The following PLCB1 variants were observed in gnomAD, a reference collection of about 807,000 sequenced individuals.
PLCB1 encodes 1-phosphatidylinositol 4,5-bisphosphate phosphodiesterase beta-1.
In PLCB1, 46 loss-of-function variants were observed where a neutral mutation model predicts 161.8. The observed-to-expected ratio is 0.28, with a 90% CI of 0.22 to 0.36. The LOEUF (loss-of-function observed/expected upper bound fraction) is 0.36. PLCB1 is among the 10% of genes least tolerant of loss of function. The pLI is 1.00. For missense variants in PLCB1, 1,016 were observed against 1,472.5 expected (o/e 0.69, Z 5.07); for synonymous variants, 517 against 503.7 (o/e 1.03, Z -0.35).
intron 27 of PLCB1, among the ~76,000 whole-genome samples, chr20:8,782,402 G>GT (rs1983284975): frequency 1.3e-5 from 2 of 152,094 alleles, no homozygotes; most frequent in African/African-American, 2.4e-5. Context: ...TTTTGTTTTT[G>GT]TTTTTTTAGA....
intron 12 of PLCB1, among the ~76,000 whole-genome samples, chr20:8,713,492 G>A (rs1403323510): frequency 6.6e-6 from 1 of 152,098 alleles, no homozygotes; most frequent in Non-Finnish European, 1.5e-5. Flanking sequence ...CCTCAGGCAG[G>A]TTCTAAACGT....
At chr20:8,248,179 T>C (rs1017078930) in intron 2 of PLCB1, among the ~76,000 whole-genome samples, 1 of 151,820 alleles carries the variant, frequency 6.6e-6, no homozygotes, top group Non-Finnish European at 1.5e-5. Flanking sequence ...CATGACCTCA[T>C]AGAGTACTCT....
At chr20:8,619,125 C>T (rs571428905) in intron 3 of PLCB1, among the ~76,000 whole-genome samples, 1 of 152,258 alleles carries the variant, frequency 6.6e-6, no homozygotes, top group Non-Finnish European at 1.5e-5. Flanking sequence ...TTAACTCCTA[C>T]AATCATTTAT....
At position 8,278,605 on chromosome 20, in the gene PLCB1, A is replaced by T. The variant is rs200696433; in HGVS notation, c.178-92777A>T. On this transcript the variant is annotated intron_variant, in intron 2 of 31. Transcript: ENST00000338037. Reference sequence around the variant, plus strand: ...CAATAAATGTATAAAAGTGTTCAACATCATGAATAATAATGCAAATTAATA... The same window carrying T: ...CAATAAATGTATAAAAGTGTTCAACTTCATGAATAATAATGCAAATTAATA... Among the ~76,000 whole-genome samples, 10 of 152,118 alleles carry T rather than the reference A, an allele frequency of 6.6e-5. No homozygotes were observed. The East Asian group carries it at 1.9e-3, about 29-fold the overall frequency.
chr20:8,395,173 A>C (rs1048203330), intron 3 of PLCB1, among the ~76,000 whole-genome samples: 4 of 152,126 alleles, frequency 2.6e-5, no homozygotes, highest in Non-Finnish European at 5.9e-5. Context: ...AGGTACATAC[A>C]AACAATATGG....
chr20:8,153,135 G>A (rs1374495500), intron 2 of PLCB1, among the ~76,000 whole-genome samples: 1 of 152,182 alleles, frequency 6.6e-6, no homozygotes, highest in East Asian at 1.9e-4. Flanking sequence ...AAGCTAGCGA[G>A]TCATTTTTAG....
intron 3 of PLCB1, among the ~76,000 whole-genome samples, chr20:8,516,874 G>T (rs1172142625): frequency 2.0e-5 from 3 of 151,762 alleles, no homozygotes; most frequent in African/African-American, 7.3e-5. Flanking sequence ...CTTTGTTACG[G>T]CTGTGCAGCT....
chr20:8,509,035 C>T (rs1983762092), intron 3 of PLCB1, among the ~76,000 whole-genome samples: 1 of 152,188 alleles, frequency 6.6e-6, no homozygotes, highest in African/African-American at 2.4e-5. Context: ...CCACTCCGTC[C>T]ATTCTACCCT....
chr20:8,671,223 G>A (rs1989934859), intron 9 of PLCB1, among the ~76,000 whole-genome samples: 1 of 152,134 alleles, frequency 6.6e-6, no homozygotes, highest in African/African-American at 2.4e-5. Context: ...GGCAAAATTT[G>A]TAGATTTTTC....
chr20:8,454,779 G>C (rs1242667642), intron 3 of PLCB1, among the ~76,000 whole-genome samples: 1 of 152,046 alleles, frequency 6.6e-6, no homozygotes, highest in African/African-American at 2.4e-5. Flanking sequence ...TTGTTTCTCT[G>C]TTTCCCTGTC....
Position 8,749,982 on chromosome 20 carries a change from G to A in PLCB1, c.2524-7064G>A, listed in dbSNP as rs548621269. On this transcript the variant is annotated intron_variant, in intron 23 of 31. Coordinates refer to ENST00000338037, the MANE Select transcript of PLCB1 (RefSeq NM_015192.4). ...TTTTTTTTTAAAAAAACCCAACTAT[G>A]TGTCAGTCACTCTGATGGCCATTAT... Among the ~76,000 whole-genome samples, 8 of 151,970 alleles carry A rather than the reference G, an allele frequency of 5.3e-5. No individual in the cohort carries two copies. The East Asian group carries it at 1.5e-3, about 29-fold the overall frequency.
intron 3 of PLCB1, among the ~76,000 whole-genome samples, chr20:8,462,055 T>C (rs1196166895): frequency 1.3e-5 from 2 of 152,054 alleles, no homozygotes; most frequent in East Asian, 1.9e-4. Flanking sequence ...TATATATGTA[T>C]ATATGTAAAT....
chr20:8,676,014 A>G (rs1010823117), intron 9 of PLCB1, among the ~76,000 whole-genome samples: 1 of 152,250 alleles, frequency 6.6e-6, no homozygotes, highest in Non-Finnish European at 1.5e-5. Context: ...GGGACTATTT[A>G]TGTATTTATT....
Position 8,298,294 on chromosome 20 carries a change from CA to C in PLCB1, c.178-73072del, listed in dbSNP as rs11474417. Among the ~76,000 whole-genome samples the C allele has an allele frequency of 8.2e-3, 923 of 113,036 alleles. 4 individuals are homozygous for C. The highest frequency in any genetic ancestry group is 0.011 in the Non-Finnish European group (554 of 51,226). The allele number at this position is 113,036 out of a possible 152,430, so 74.2% of individuals were successfully genotyped here. ...TGTGTGACAGAGCAAGACTATGTCT[CA>C]AAAAAAAAAAAAAAAGATGCAAGAA... On this transcript the variant is annotated intron_variant, in intron 2 of 31. Coordinates refer to ENST00000338037, the MANE Select transcript of PLCB1 (RefSeq NM_015192.4).
intron 31 of PLCB1, among the ~76,000 whole-genome samples, chr20:8,802,762 C>T (rs976985948): frequency 6.6e-6 from 1 of 152,164 alleles, no homozygotes; most frequent in Admixed American, 6.5e-5. Flanking sequence ...GGAAATATCT[C>T]ACTAATAGGG....
At chr20:8,160,909 T>G (rs942940841) in intron 2 of PLCB1, among the ~76,000 whole-genome samples, 2 of 152,186 alleles carry the variant, frequency 1.3e-5, no homozygotes, top group Non-Finnish European at 2.9e-5. Context: ...TTTAAGTAAT[T>G]TAAAAGGCAA....
chr20:8,658,527 AT>A lies in PLCB1; in HGVS notation c.696-9del, dbSNP rs769183508. On this transcript the variant is annotated splice_polypyrimidine_tract_variant and intron_variant, in intron 8 of 31. Coordinates refer to ENST00000338037, the MANE Select transcript of PLCB1 (RefSeq NM_015192.4). ...AAAAATTCTTATTGCTTGGTTTTTC[AT>A]TGTTTTTAGTGGTGCAAAAAGCAAA... 2 of 1,565,158 alleles carry A rather than the reference AT, an allele frequency of 1.3e-6. No homozygotes were observed. Among genetic ancestry groups the A allele is most frequent in the Admixed American group, 4.2e-5 (2 of 48,082 alleles).
intron 2 of PLCB1, among the ~76,000 whole-genome samples, chr20:8,218,428 G>A (rs893147341): frequency 1.2e-4 from 18 of 152,060 alleles, no homozygotes; most frequent in Admixed American, 1.3e-4. Flanking sequence ...ACAGAAAAGC[G>A]TTGATTCTGG....
intron 2 of PLCB1, among the ~76,000 whole-genome samples, chr20:8,275,262 T>A (rs1302605168): frequency 6.6e-6 from 1 of 151,404 alleles, no homozygotes; most frequent in African/African-American, 2.4e-5. Flanking sequence ...TGTGTGTGTG[T>A]GTGTGTGTGT....
Sources: gnomAD v4.1 joint callset for allele counts (sites outside exome capture counted in the v4.1 genomes callset) on GRCh38, gnomAD v4.1.1 for gene constraint, MANE v1.5 for transcripts, NCBI Gene and HGNC (gene_info 2026-07-23, HGNC 2026-07-21) for gene names.